The following RELN variants were observed in gnomAD, a reference collection of about 807,000 sequenced individuals.
The protein encoded by RELN is reelin.
Under a neutral mutation model 427.6 loss-of-function variants are expected in RELN, and 108 were observed. The ratio of observed to expected loss-of-function variants is 0.25; its 90% confidence interval spans 0.22 to 0.30. The LOEUF (loss-of-function observed/expected upper bound fraction) is 0.30. Among genes scored for constraint, RELN ranks in the 10% least tolerant of loss-of-function variants. RELN has a pLI of 1.00. For synonymous variants in RELN, 1,524 were observed against 1,513.4 expected, an observed-to-expected ratio of 1.01 and a Z score of -0.16; for missense variants, 3,715 against 4,302.8, an observed-to-expected ratio of 0.86 and a Z score of 3.82.
intron 3 of RELN, among the ~76,000 whole-genome samples, chr7:103,823,079 T>C (rs1283221055): frequency 6.6e-6 from 1 of 152,040 alleles, no homozygotes; most frequent in Non-Finnish European, 1.5e-5. Flanking sequence ...ACGCAAGTTA[T>C]TTTGTTCTTA....
intron 28 of RELN, 123 bp from the exon 29 acceptor site, chr7:103,575,828 GACT>G: frequency 9.3e-7 from 1 of 1,079,738 alleles, no homozygotes. Flanking sequence ...ATGTCTGCTT[GACT>G]GCACTTAACC....
intron 24 of RELN, among the ~76,000 whole-genome samples, chr7:103,598,114 A>G (rs528387231): frequency 1.3e-5 from 2 of 152,340 alleles, no homozygotes; most frequent in South Asian, 4.1e-4. Context: ...ATTAGAAGTC[A>G]CAGGGGAAAT....
chr7:103,473,699 A>AACTGT (rs1237140298), intron 64 of RELN, among the ~76,000 whole-genome samples: 1 of 152,212 alleles, frequency 6.6e-6, no homozygotes, highest in Non-Finnish European at 1.5e-5. Context: ...TCCTGTAGGA[A>AACTGT]ACTGTACAAT....
chr7:103,497,560 T>A (rs960634626), intron 55 of RELN, among the ~76,000 whole-genome samples: 1 of 152,256 alleles, frequency 6.6e-6, no homozygotes. Flanking sequence ...TCACTCAAGC[T>A]TCAGTAAAGC....
At chr7:103,740,949 A>T (rs1157232639) in intron 6 of RELN, among the ~76,000 whole-genome samples, 4 of 152,184 alleles carry the variant, frequency 2.6e-5, no homozygotes, top group Non-Finnish European at 4.4e-5. Context: ...AATTTGGCTA[A>T]ATGCAGCATA....
intron 2 of RELN, among the ~76,000 whole-genome samples, chr7:103,838,341 A>G (rs936427059): frequency 2.6e-5 from 4 of 152,188 alleles, no homozygotes; most frequent in Admixed American, 2.6e-4. Context: ...AACTAAATAC[A>G]ATAGAATATT....
At chr7:103,847,518 A>G (rs894281331) in intron 2 of RELN, among the ~76,000 whole-genome samples, 1 of 152,200 alleles carries the variant, frequency 6.6e-6, no homozygotes, top group Non-Finnish European at 1.5e-5. Flanking sequence ...ACACCTATGT[A>G]ACAAACCTGC....
intron 2 of RELN, among the ~76,000 whole-genome samples, chr7:103,881,801 C>T (rs2237645): frequency 0.12 from 18,628 of 152,040 alleles, 1,270 homozygotes; most frequent in East Asian, 0.27. Flanking sequence ...TAAAACATCA[C>T]GAATGAATAA....
chr7:103,735,419 G>T (rs1335662510), intron 6 of RELN, among the ~76,000 whole-genome samples: 1 of 151,932 alleles, frequency 6.6e-6, no homozygotes, highest in Non-Finnish European at 1.5e-5. Flanking sequence ...CATTCATTGG[G>T]CACAGAGGAA....
rs543243856 is a variant in RELN, at chr7:103,920,738, T to A, written c.227-3553A>T. 2.0e-5 allele frequency among the ~76,000 whole-genome samples: 3 copies of A among 152,196 alleles called. No homozygotes were observed. In the South Asian group the frequency reaches 6.2e-4, roughly 32 times the overall value. ...ATAGGGGTGTGCCACCATGTGTGGC[T>A]AATGAATGTATTTTTAGTAGAGACA... On this transcript the variant is annotated intron_variant, in intron 1 of 64. Transcript: ENST00000428762.
At chr7:103,488,015 G>T (rs1431360098) in intron 60 of RELN, among the ~76,000 whole-genome samples, 2 of 152,080 alleles carry the variant, frequency 1.3e-5, no homozygotes, top group African/African-American at 4.8e-5. Flanking sequence ...GGGCATGGTG[G>T]CATGTGCCTG....
intron 1 of RELN, among the ~76,000 whole-genome samples, chr7:103,951,969 G>A (rs1212359900): frequency 6.6e-6 from 1 of 152,174 alleles, no homozygotes; most frequent in Non-Finnish European, 1.5e-5. Flanking sequence ...CACTGTGCCC[G>A]GCCCTCTGGG....
chr7:103,971,655 A>G (rs1002837535), intron 1 of RELN, among the ~76,000 whole-genome samples: 15 of 152,240 alleles, frequency 9.9e-5, no homozygotes, highest in African/African-American at 3.6e-4. Flanking sequence ...TTTGGAGGAC[A>G]ATCTGACAGT....
chr7:103,495,435 G>A (rs1349970047), intron 57 of RELN, among the ~76,000 whole-genome samples: 3 of 147,984 alleles, frequency 2.0e-5, no homozygotes, highest in Non-Finnish European at 3.0e-5. Flanking sequence ...CTCCCAAAGT[G>A]GTGGGATTAT....
At chr7:103,923,634 G>T (rs1287279143) in intron 1 of RELN, among the ~76,000 whole-genome samples, 1 of 152,166 alleles carries the variant, frequency 6.6e-6, no homozygotes. Flanking sequence ...GTGAGGGGTA[G>T]AGAGAGATCG....
chr7:103,642,051 C>T (rs940161519), intron 16 of RELN, among the ~76,000 whole-genome samples: 9 of 152,120 alleles, frequency 5.9e-5, no homozygotes. Flanking sequence ...TCATAACAGG[C>T]TTCTTTTTTC....
chr7:103,757,376 T>C (rs1791186007), intron 4 of RELN, among the ~76,000 whole-genome samples: 1 of 152,208 alleles, frequency 6.6e-6, no homozygotes, highest in Non-Finnish European at 1.5e-5. Context: ...TGCTCGTATG[T>C]TTTTATCTCA....
rs376346243 is a variant in RELN at position 103,775,698 on chromosome 7, A to G, written c.544+859T>C. On this transcript the variant is annotated intron_variant, in intron 4 of 64. Coordinates refer to ENST00000428762, the MANE Select transcript of RELN (RefSeq NM_005045.4). ...TGACATTTACAAAGACTGACATAAA[A>G]TGTTTTCATTATCAAGATGCTGAAA... is the stretch of plus-strand genomic sequence containing the variant. Among the ~76,000 whole-genome samples the G allele has an allele frequency of 4.6e-5, 7 of 152,340 alleles. No individual in the cohort carries two copies. The South Asian group carries it at 6.2e-4, about 14-fold the overall frequency.
At chr7:103,788,275 G>A (rs1792070672) in intron 3 of RELN, among the ~76,000 whole-genome samples, 1 of 152,076 alleles carries the variant, frequency 6.6e-6, no homozygotes, top group Admixed American at 6.5e-5. Context: ...TTGAAAATCG[G>A]CACAAGGCAA....
Sources: allele counts gnomAD v4.1 joint callset (sites outside exome capture counted in the v4.1 genomes callset), GRCh38; gene constraint gnomAD v4.1.1; transcripts MANE v1.5; gene names NCBI Gene and HGNC (gene_info 2026-07-23, HGNC 2026-07-21).